The following OPRM1 variants were observed in gnomAD, a reference collection of about 807,000 sequenced individuals.
The protein encoded by OPRM1 is opioid receptor mu 1, also known as mu-type opioid receptor.
A neutral mutation model predicts 31.8 loss-of-function variants in OPRM1; 27 were observed. The observed-to-expected ratio is 0.85, with a 90% CI of 0.63 to 1.17. The LOEUF (loss-of-function observed/expected upper bound fraction) is 1.17, where lower values mean the gene tolerates loss of function less well. Among genes scored for constraint, OPRM1 ranks in the 50% most tolerant of loss-of-function variants. The pLI is 0.00. For synonymous variants in OPRM1, 196 were observed against 189.9 expected, an observed-to-expected ratio of 1.03 and a Z score of -0.26; for missense variants, 536 against 511.1, an observed-to-expected ratio of 1.05 and a Z score of -0.47.
downstream of OPRM1, among the ~76,000 whole-genome samples, chr6:154,133,018 G>A (rs573513819): frequency 6.6e-6 from 1 of 152,052 alleles, no homozygotes; most frequent in African/African-American, 2.4e-5. Context: ...CTACTCGGGA[G>A]GCTGAGGCAG....
At chr6:154,218,086 C>T (rs1014192790) in intron 3 of OPRM1, among the ~76,000 whole-genome samples, 1 of 152,094 alleles carries the variant, frequency 6.6e-6, no homozygotes, top group African/African-American at 2.4e-5. Flanking sequence ...TTGCTAAGAA[C>T]TTTTTTTAAA....
Position 154,195,209 on chromosome 6 carries a change from A to G in OPRM1, c.1165-51484A>G, listed in dbSNP as rs113820629. Among the ~76,000 whole-genome samples the G allele has an allele frequency of 3.4e-3, 476 of 140,978 alleles. 4 individuals carry two copies. Among genetic ancestry groups the G allele is most frequent in the African/African-American group, 0.012 (456 of 37,046 alleles). The allele number at this position is 140,978 out of a possible 152,430, so 92.5% of individuals were successfully genotyped here. ...GTCACCCAGGCTGGAGTGCAGTGGC[A>G]CGATCTCGGCTCACTGCAATCTCCG... On this transcript the variant is annotated intron_variant, in intron 3 of 3. Coordinates refer to the OPRM1 transcript ENST00000337049.
chr6:154,216,039 T>C (rs1362599411), intron 3 of OPRM1, among the ~76,000 whole-genome samples: 3 of 152,158 alleles, frequency 2.0e-5, no homozygotes, highest in Non-Finnish European at 4.4e-5. Flanking sequence ...TGAAAACTGA[T>C]ACAGCCAATT....
intron 3 of OPRM1, among the ~76,000 whole-genome samples, chr6:154,194,959 T>C (rs899928304): frequency 6.6e-6 from 1 of 152,062 alleles, no homozygotes; most frequent in Admixed American, 6.6e-5. Context: ...AATTAAGTGC[T>C]GAGGATACAA....
chr6:154,091,554 C>A, intron 3 of OPRM1, 82 bp downstream of exon 3: 1 of 1,494,878 alleles, frequency 6.7e-7, no homozygotes, highest in South Asian at 1.4e-5. Flanking sequence ...GGAGTTTAAT[C>A]CATTATAGAG....
At position 154,129,821 on chromosome 6, in the gene OPRM1, C is replaced by T. The variant is rs628618; in HGVS notation, c.*11100C>T. Reference sequence around the variant, plus strand: ...TCAGTCAGGCACTTTGCATTTTAAGCGTACTTTACCACCGACACCCTCCCC... The same window carrying T: ...TCAGTCAGGCACTTTGCATTTTAAGTGTACTTTACCACCGACACCCTCCCC... On this transcript the variant is annotated 3_prime_UTR_variant, in exon 4 of 4. Coordinates refer to ENST00000330432, the MANE Select transcript of OPRM1 (RefSeq NM_000914.5). 0.9 allele frequency among the ~76,000 whole-genome samples: 135,198 copies of T among 149,598 alleles called. 61,127 individuals carry two copies. Among genetic ancestry groups the T allele is most frequent in the East Asian group, 0.98 (5,008 of 5,096 alleles).
At chr6:154,133,466 C>G (rs1797982856), downstream of OPRM1, among the ~76,000 whole-genome samples, 3 of 152,184 alleles carry the variant, frequency 2.0e-5, no homozygotes, top group Admixed American at 2.0e-4. Flanking sequence ...CACCTCCAGT[C>G]TTAGGTGATC....
At chr6:154,225,982 C>T (rs567777296) in intron 3 of OPRM1, among the ~76,000 whole-genome samples, 1 of 152,328 alleles carries the variant, frequency 6.6e-6, no homozygotes, top group South Asian at 2.1e-4. Context: ...TGCTCCCTCC[C>T]TCTGGAGCCA....
chr6:154,187,161 C>T (rs887572365), intron 3 of OPRM1, among the ~76,000 whole-genome samples: 1 of 152,098 alleles, frequency 6.6e-6, no homozygotes, highest in South Asian at 2.1e-4. Flanking sequence ...TCACCCTCTC[C>T]CCTCCATAGT....
chr6:154,237,968 A>C (rs1010038596), intron 3 of OPRM1, among the ~76,000 whole-genome samples: 1 of 152,130 alleles, frequency 6.6e-6, no homozygotes, highest in Non-Finnish European at 1.5e-5. Context: ...TTTCCTGTTA[A>C]CGATTTTAAA....
intron 3 of OPRM1, chr6:154,214,142 G>C (rs9478525): frequency 1.1e-6 from 1 of 943,150 alleles, no homozygotes; most frequent in East Asian, 2.4e-5. Flanking sequence ...CATAGAACTT[G>C]ACATTGTTTT....
Position 154,229,162 on chromosome 6 carries a change from A to G in OPRM1, c.1165-17531A>G, listed in dbSNP as rs185953440. On this transcript the variant is annotated intron_variant, in intron 3 of 3. Transcript: ENST00000337049. ...ATCTGGTTGTTTGTCTGCTTCTCCA[A>G]TGGATTGTGAGTACCTTGAAGGAAA... Among the ~76,000 whole-genome samples, 236 of 152,292 alleles carry G rather than the reference A, an allele frequency of 1.5e-3. 3 individuals are homozygous for G. Among genetic ancestry groups the G allele is most frequent in the African/African-American group, 5.5e-3 (227 of 41,552 alleles).
intron 3 of OPRM1, among the ~76,000 whole-genome samples, chr6:154,152,361 A>C (rs544736655): frequency 6.7e-6 from 1 of 148,410 alleles, no homozygotes; most frequent in South Asian, 2.1e-4. Flanking sequence ...AGAAAGAAAG[A>C]AAGAAAGAAA....
chr6:154,099,659 G>GTATCTACATATATACATATA (rs1794166177), intron 3 of OPRM1, among the ~76,000 whole-genome samples: 1 of 143,882 alleles, frequency 7.0e-6, no homozygotes. Flanking sequence ...ATACACACAT[G>GTATCTACATATATACATATA]TATATACATA....
At chr6:154,040,811 CAG>C (rs537482920) in intron 1 of OPRM1, among the ~76,000 whole-genome samples, 30 of 152,250 alleles carry the variant, frequency 2.0e-4, no homozygotes, top group South Asian at 4.1e-4. Context: ...GTATATTTGG[CAG>C]AGTGTGGAAG....
intron 1 of OPRM1, among the ~76,000 whole-genome samples, chr6:154,028,714 G>A (rs186313664): frequency 2.7e-3 from 415 of 152,234 alleles, no homozygotes; most frequent in African/African-American, 9.5e-3. Context: ...GAGTTGGTCC[G>A]GTTCTGTTTT....
chr6:154,103,637 A>C (rs574793891), intron 3 of OPRM1, among the ~76,000 whole-genome samples: 2 of 152,322 alleles, frequency 1.3e-5, no homozygotes, highest in East Asian at 3.9e-4. Flanking sequence ...AGCAGCCCTG[A>C]GGGCTTCTGG....
In OPRM1 at chr6:154,023,676, C is replaced by T. The variant is rs144379913; in HGVS notation, c.-1+12658C>T. ...TTTTCCCCATTTGGTATGATAATAA[C>T]TGGGGGTTTGTCATATATAGCTTTT... On this transcript the variant is annotated intron_variant, in intron 1 of 5. Transcript: ENST00000434900. Among the ~76,000 whole-genome samples the T allele has an allele frequency of 4.6e-3, 698 of 152,190 alleles. 1 individual carries two copies. Among genetic ancestry groups the T allele is most frequent in the African/African-American group, 0.016 (666 of 41,556 alleles).
rs1797856428 is a variant in OPRM1 at position 154,130,834 on chromosome 6, T to C, written c.*12113T>C. Among the ~76,000 whole-genome samples, 1 of 152,094 alleles carries C rather than the reference T, an allele frequency of 6.6e-6. No individual in the cohort carries two copies. Among genetic ancestry groups the C allele is most frequent in the Non-Finnish European group, 1.5e-5 (1 of 67,996 alleles). ...TAATGGGAATTAAAGAAAAAATGCC[T>C]GTTTTCACTAAGTCATCCTTCCCCT... On this transcript the variant is annotated 3_prime_UTR_variant, in exon 4 of 4. Transcript: ENST00000330432.
Sources: allele counts gnomAD v4.1 joint callset (sites outside exome capture counted in the v4.1 genomes callset), GRCh38; gene constraint gnomAD v4.1.1; transcripts MANE v1.5; gene names NCBI Gene and HGNC (gene_info 2026-07-23, HGNC 2026-07-21).